TRAP1: variants seen among roughly 807,000 people sequenced by gnomAD.
The protein encoded by TRAP1 is heat shock protein 75 kDa, mitochondrial.
A neutral mutation model predicts 89.1 loss-of-function variants in TRAP1; 102 were observed. That is an observed-to-expected ratio of 1.15 (90% confidence interval 0.98 to 1.35). TRAP1 has a LOEUF of 1.35. Ranked by LOEUF, TRAP1 falls within the 40% of genes most tolerant of loss-of-function variation. TRAP1 has a pLI of 0.00. For missense variants in TRAP1, 1,256 were observed against 945.3 expected (o/e 1.33, Z -4.31); for synonymous variants, 508 against 388.0 (o/e 1.31, Z -3.64).
At chr16:3,690,490 A>C (rs1240587827) in intron 2 of TRAP1, among the ~76,000 whole-genome samples, 1 of 152,232 alleles carries the variant, frequency 6.6e-6, no homozygotes, top group Non-Finnish European at 1.5e-5. Flanking sequence ...ATGAAAAGAC[A>C]GCTCCAGAAT....
chr16:3,693,169 G>A (rs1054615732), intron 1 of TRAP1, among the ~76,000 whole-genome samples: 3 of 151,362 alleles, frequency 2.0e-5, no homozygotes, highest in Non-Finnish European at 4.4e-5. Flanking sequence ...GGCTGCTCTC[G>A]AACTATTGAC....
At chr16:3,713,179 A>G (rs1017929866) in intron 1 of TRAP1, among the ~76,000 whole-genome samples, 6 of 152,178 alleles carry the variant, frequency 3.9e-5, no homozygotes, top group Non-Finnish European at 7.3e-5. Flanking sequence ...ACAGCCGGAG[A>G]GCACCAGAAA....
At chr16:3,715,537 C>G (rs1294859497) in intron 1 of TRAP1, among the ~76,000 whole-genome samples, 11 of 152,108 alleles carry the variant, frequency 7.2e-5, no homozygotes. Context: ...GTGCATGATA[C>G]AAAGCATGAA....
At chr16:3,696,795 TG>T (rs1180338313) in intron 1 of TRAP1, among the ~76,000 whole-genome samples, 1 of 151,886 alleles carries the variant, frequency 6.6e-6, no homozygotes, top group African/African-American at 2.4e-5. Context: ...AGAGTGATCT[TG>T]GCTCACAGCA....
chr16:3,706,061 C>T (rs1389449374), intron 1 of TRAP1, among the ~76,000 whole-genome samples: 1 of 151,150 alleles, frequency 6.6e-6, no homozygotes, highest in Non-Finnish European at 1.5e-5. Context: ...CTCACTGCAA[C>T]CTCCAATTCC....
chr16:3,680,392 C>T (rs747601201), intron 4 of TRAP1, among the ~76,000 whole-genome samples: 4 of 152,222 alleles, frequency 2.6e-5, no homozygotes, highest in Non-Finnish European at 5.9e-5. Flanking sequence ...CACAGCTCTC[C>T]CACCATCAAG....
rs952601781 is a variant in TRAP1, at chr16:3,716,012, G to A, written c.88+1409C>T. On this transcript the variant is annotated intron_variant, in intron 1 of 17. Transcript: ENST00000246957. ...CAAGAAGCTGGGATTACAGGCGCGC[G>A]CCACCACACCCAGCTAATTTTTGTA... Among the ~76,000 whole-genome samples the A allele has an allele frequency of 5.3e-5, 8 of 152,044 alleles. No homozygotes were observed. In the East Asian group the frequency reaches 5.8e-4, roughly 11 times the overall value.
intron 1 of TRAP1, among the ~76,000 whole-genome samples, chr16:3,691,625 G>A (rs1050173095): frequency 3.6e-4 from 54 of 151,994 alleles, no homozygotes; most frequent in African/African-American, 1.3e-3. Flanking sequence ...CCCTGCAGAA[G>A]CCCCCGATGG....
In TRAP1 at chr16:3,688,792, G is replaced by A. The variant is rs142706222; in HGVS notation, c.330+263C>T. Among the ~76,000 whole-genome samples, 486 of 152,090 alleles carry A rather than the reference G, an allele frequency of 3.2e-3. 4 individuals are homozygous for A. The highest frequency in any genetic ancestry group is 0.011 in the African/African-American group (442 of 41,468). ...AGCCACCACACCAGGCCTGTATTTC[G>A]GGAACTTTTAAAATTATTGGCAAAA... is the stretch of plus-strand genomic sequence containing the variant. On this transcript the variant is annotated intron_variant, in intron 3 of 17. Transcript: ENST00000246957.
intron 5 of TRAP1, 95 bp downstream of exon 5, chr16:3,679,624 G>A (rs1166620082): frequency 9.5e-6 from 12 of 1,261,944 alleles, no homozygotes; most frequent in South Asian, 3.6e-5. Context: ...AACTGACAAC[G>A]TTCTTACTTA....
rs141361125 is a variant in TRAP1 at position 3,663,513 on chromosome 16, C to T, written c.1619G>A (p.Arg540His). 1.6e-5 allele frequency: 26 copies of T among 1,614,002 alleles called. 1 individual carries two copies. Among genetic ancestry groups the T allele is most frequent in the South Asian group, 9.9e-5 (9 of 91,082 alleles). ...GATCAGCTTCTTCTTGTCAAACTCA[C>T]GAAGGTGCAGCAGGGTGAGCTCATC... The part of the protein sequence containing the change: ...QFDELTLLHL[R>H]EFDKKKLISV... Residue 540 changes from arginine to histidine, a missense_variant, in exon 14 of 18, where the codon CGT becomes CAT. By Grantham distance (29) the Arg-to-His change is conservative. Transcript: ENST00000246957.
intron 6 of TRAP1, 58 bp from the exon 7 acceptor site, chr16:3,676,203 A>C (rs994181449): frequency 1.6e-5 from 23 of 1,479,002 alleles, no homozygotes; most frequent in African/African-American, 2.8e-5. Context: ...CATACCCTGC[A>C]TGGGACTCCA....
intron 1 of TRAP1, among the ~76,000 whole-genome samples, chr16:3,703,726 A>T (rs2051400401): frequency 1.3e-5 from 2 of 152,046 alleles, no homozygotes; most frequent in African/African-American, 2.4e-5. Context: ...AACTATTTAC[A>T]AAAGTTAGGC....
At chr16:3,674,758 A>G in intron 8 of TRAP1, 1 of 527,258 alleles carries the variant, frequency 1.9e-6, no homozygotes. Context: ...CCTGTGGGAG[A>G]GGATGACGCT....
intron 1 of TRAP1, among the ~76,000 whole-genome samples, chr16:3,697,082 C>A (rs1225252700): frequency 2.0e-5 from 3 of 152,150 alleles, no homozygotes; most frequent in Admixed American, 6.6e-5. Flanking sequence ...CCACAGAGAT[C>A]CTATCAGTTT....
chr16:3,710,732 T>C (rs958440743), intron 1 of TRAP1, among the ~76,000 whole-genome samples: 4 of 151,942 alleles, frequency 2.6e-5, no homozygotes, highest in African/African-American at 4.8e-5. Context: ...CCGACACACA[T>C]AGTTACATTA....
chr16:3,682,463 C>T (rs2051085314), intron 4 of TRAP1, among the ~76,000 whole-genome samples: 1 of 152,026 alleles, frequency 6.6e-6, no homozygotes, highest in Admixed American at 6.6e-5. Context: ...GATCTCCGCT[C>T]ACTGCACCTT....
At chr16:3,666,226 A>T in intron 11 of TRAP1, 108 bp from the exon 12 acceptor site, 1 of 1,361,892 alleles carries the variant, frequency 7.3e-7, no homozygotes. Context: ...AGAAGTGAAA[A>T]CAACAAGGTA....
At position 3,689,100 on chromosome 16, in the gene TRAP1, CTTT is replaced by C. The variant is rs756565858; in HGVS notation, c.282_284del (p.Lys96del). 99 of 1,613,932 alleles carry C rather than the reference CTTT, an allele frequency of 6.1e-5. 3 individuals carry two copies. In the South Asian group the frequency reaches 1.1e-3, roughly 17 times the overall value. Reference sequence around the variant, plus strand: ...ACCGGGCAACAATGTCCAAAAGCTTCTTTGTCTCGGCCTGGAACTCATGTTTGG... The same window carrying C: ...ACCGGGCAACAATGTCCAAAAGCTTCGTCTCGGCCTGGAACTCATGTTTGG... On this transcript the variant is annotated inframe_deletion, in exon 3 of 18. Transcript: ENST00000246957.
Sources: allele counts gnomAD v4.1 joint callset (sites outside exome capture counted in the v4.1 genomes callset), GRCh38; gene constraint gnomAD v4.1.1; transcripts MANE v1.5; gene names NCBI Gene and HGNC (gene_info 2026-07-23, HGNC 2026-07-21).